RNF43: variants seen among roughly 807,000 people sequenced by gnomAD.
RNF43 encodes ring finger protein 43.
A neutral mutation model predicts 78.4 loss-of-function variants in RNF43; 37 were observed. That is an observed-to-expected ratio of 0.47 (90% confidence interval 0.36 to 0.62). The LOEUF (loss-of-function observed/expected upper bound fraction) is 0.62. RNF43 is among the 20% of genes least tolerant of loss of function. The probability of loss-of-function intolerance (pLI) is 0.00; values close to 1 mark genes in which losing one functional copy is unlikely to be tolerated. For missense variants in RNF43, 774 were observed against 1,007.9 expected (o/e 0.77, Z 3.14); for synonymous variants, 347 against 395.0 (o/e 0.88, Z 1.44).
chr17:58,381,611 A>G (rs922258701), intron 2 of RNF43, among the ~76,000 whole-genome samples: 2 of 152,218 alleles, frequency 1.3e-5, no homozygotes, highest in African/African-American at 2.4e-5. Flanking sequence ...CTGGGTCTCT[A>G]TGGATGGTGC....
chr17:58,384,123 T>G (rs1408997550), intron 2 of RNF43, among the ~76,000 whole-genome samples: 1 of 152,242 alleles, frequency 6.6e-6, no homozygotes, highest in Admixed American at 6.5e-5. Flanking sequence ...AGCTCTTTGT[T>G]ACTTCTTAAT....
Position 58,358,610 on chromosome 17 carries a change from C to G in RNF43, c.1166G>C (p.Arg389Pro), listed in dbSNP as rs780893183. 6.4e-7 allele frequency: 1 copy of G among 1,565,408 alleles called. No individual in the cohort carries two copies. The change falls in exon 9 of 10, where the codon CGC (arginine) becomes CCC (proline). Residue 389 changes from arginine to proline, a missense_variant. Arg to Pro is a moderately radical substitution (Grantham distance 103). Transcript: ENST00000407977. The surrounding 1 kb of genome is among the most constrained non-coding windows in gnomAD (Gnocchi z 6.2). ...QEPGMGPRHH[R>P]FPRAAHPRAP... ...CCGGGGATGTGCAGCTCTGGGGAAGCGGTGATGCCGAGGGCCCATGCCTGG... is the reference window on the plus strand; with the variant it reads ...CCGGGGATGTGCAGCTCTGGGGAAGGGGTGATGCCGAGGGCCCATGCCTGG...
chr17:58,353,072 C>T (rs115181292), downstream of RNF43: 1,287 of 210,424 alleles, frequency 6.1e-3, 18 homozygotes, highest in African/African-American at 0.028. Flanking sequence ...AGCCCGAGTG[C>T]AGGCAGAACG....
chr17:58,354,718 T>C lies in RNF43; in HGVS notation c.*225A>G. The C allele has an allele frequency of 1.8e-6, 1 of 570,282 alleles. No homozygotes were observed. The highest frequency in any genetic ancestry group is 2.0e-5 in the South Asian group (1 of 49,728). 35.3% of individuals were successfully genotyped at this position (570,282 alleles called of 1,614,324 possible). ...CTGGTTGCCTGGCTGGACATGGATT[T>C]GCTGCACTGCAGATGTTTTCTGCAG... is the stretch of plus-strand genomic sequence containing the variant. On this transcript the variant is annotated 3_prime_UTR_variant, in exon 10 of 10. Transcript: ENST00000407977.
At chr17:58,398,442 G>GA (rs911395624) in intron 2 of RNF43, among the ~76,000 whole-genome samples, 4 of 152,202 alleles carry the variant, frequency 2.6e-5, no homozygotes, top group South Asian at 4.1e-4. Flanking sequence ...GCATAGCAGA[G>GA]AAAAAATTCC....
rs1290975194 is a variant in RNF43 at position 58,354,129 on chromosome 17, C to T, written c.*814G>A. On this transcript the variant is annotated 3_prime_UTR_variant, in exon 10 of 10. Coordinates refer to ENST00000407977, the MANE Select transcript of RNF43 (RefSeq NM_017763.6). ...TTCCCAGAGAAGAACTCTTTGTTGT[C>T]CCCGCTCAGCTGTAATTCTGCCTTT... is the stretch of plus-strand genomic sequence containing the variant. 1 of 199,916 alleles carries T rather than the reference C, an allele frequency of 5.0e-6. No individual in the cohort carries two copies. Among genetic ancestry groups the T allele is most frequent in the Non-Finnish European group, 1.0e-5 (1 of 96,670 alleles). The allele number at this position is 199,916 out of a possible 1,614,324, so 12.4% of individuals were successfully genotyped here. A position where few individuals can be genotyped will look rare whatever the true frequency, so the allele number is the denominator to read the frequency against.
In RNF43 at chr17:58,357,890, G is replaced by T; in HGVS notation, c.1886C>A (p.Ala629Asp). ...LPEPAPGPVD[A>D]SSICPSTSSL... ...GCTGGTACTGGGGCAGATGCTGGAG[G>T]CGTCAACTGGGCCAGGGGCTGGCTC... The change falls in exon 9 of 10, where the codon GCC becomes GAC. Residue 629 changes from alanine (A) to aspartate (D), a missense_variant. Ala to Asp is a moderately radical substitution (Grantham distance 126, BLOSUM62 -2). Transcript: ENST00000407977. The surrounding 1 kb of genome is among the most constrained non-coding windows in gnomAD (Gnocchi z 4.5). The T allele has an allele frequency of 1.2e-6, 2 of 1,613,960 alleles. No homozygotes were observed. The highest frequency in any genetic ancestry group is 2.2e-5 in the South Asian group (2 of 91,060).
At chr17:58,399,876 A>G (rs2143638027) in intron 2 of RNF43, among the ~76,000 whole-genome samples, 1 of 152,118 alleles carries the variant, frequency 6.6e-6, no homozygotes, top group African/African-American at 2.4e-5. Flanking sequence ...TCCTGACTTC[A>G]TGATCCACCC....
intron 6 of RNF43, 87 bp from the exon 7 acceptor site, chr17:58,361,031 C>T (rs1972825416): frequency 7.4e-7 from 1 of 1,351,182 alleles, no homozygotes; most frequent in Non-Finnish European, 9.9e-7. Flanking sequence ...TTCCCAGTCA[C>T]TCAGGTAGAT....
intron 2 of RNF43, among the ~76,000 whole-genome samples, chr17:58,401,845 A>T (rs2143645520): frequency 6.6e-6 from 1 of 151,920 alleles, no homozygotes; most frequent in Admixed American, 6.6e-5. Flanking sequence ...AAAAACCTAT[A>T]ATCTAATACC....
At chr17:58,371,072 G>T in intron 2 of RNF43, 39 bp from the exon 3 acceptor site, 1 of 1,525,498 alleles carries the variant, frequency 6.6e-7, no homozygotes. Flanking sequence ...GAGGCTTTAG[G>T]CAGCAGGAGT....
intron 6 of RNF43, among the ~76,000 whole-genome samples, chr17:58,361,712 C>T (rs1012001199): frequency 2.0e-5 from 3 of 152,202 alleles, no homozygotes; most frequent in African/African-American, 7.2e-5. Context: ...CCACCAGCTA[C>T]TCTGCCGTCT....
intron 2 of RNF43, among the ~76,000 whole-genome samples, chr17:58,397,063 G>A (rs560879598): frequency 2.5e-4 from 37 of 150,998 alleles, no homozygotes; most frequent in African/African-American, 3.9e-4. Flanking sequence ...AAAAAACTCC[G>A]TGTGTGTAGG....
intron 2 of RNF43, among the ~76,000 whole-genome samples, chr17:58,414,890 C>T (rs1464837555): frequency 6.6e-6 from 1 of 152,122 alleles, no homozygotes; most frequent in Admixed American, 6.5e-5. Flanking sequence ...ATCAAATATG[C>T]TCCAAGGGCA....
chr17:58,403,198 ATAGAGACT>A (rs1406460749), intron 2 of RNF43, among the ~76,000 whole-genome samples: 1 of 152,196 alleles, frequency 6.6e-6, no homozygotes, highest in African/African-American at 2.4e-5. Context: ...CCAAGGAAGA[ATAGAGACT>A]TAGTTATATT....
chr17:58,406,975 C>T (rs1179269562), intron 2 of RNF43, among the ~76,000 whole-genome samples: 1 of 151,170 alleles, frequency 6.6e-6, no homozygotes, highest in East Asian at 1.9e-4. Context: ...AGTCAATTTC[C>T]ATCATGACAG....
intron 2 of RNF43, among the ~76,000 whole-genome samples, chr17:58,405,700 C>CAGAAAGAA (rs199880674): frequency 0.099 from 10,859 of 110,142 alleles, 710 homozygotes; most frequent in Non-Finnish European, 0.12. Context: ...TCTCTAATGA[C>CAGAAAGAA]AGAAAGAAAG....
chr17:58,361,733 C>T (rs766315798), intron 6 of RNF43, among the ~76,000 whole-genome samples: 2 of 152,196 alleles, frequency 1.3e-5, no homozygotes, highest in Non-Finnish European at 1.5e-5. Context: ...CACTCTGTTC[C>T]AGCCACAGCC....
intron 3 of RNF43, among the ~76,000 whole-genome samples, chr17:58,368,905 T>C (rs181957462): frequency 1.1e-4 from 17 of 152,118 alleles, no homozygotes; most frequent in South Asian, 1.0e-3. Flanking sequence ...CAAAGACTCA[T>C]AGGAGTCACA....
Sources: allele counts gnomAD v4.1 joint callset (sites outside exome capture counted in the v4.1 genomes callset), GRCh38; gene constraint gnomAD v4.1.1; non-coding constraint Gnocchi (gnomAD v3.1); transcripts MANE v1.5; gene names NCBI Gene and HGNC (gene_info 2026-07-23, HGNC 2026-07-21).